CFAP54: variants seen among roughly 807,000 people sequenced by gnomAD.
CFAP54 encodes cilia- and flagella-associated protein 54.
A neutral mutation model predicts 370.4 loss-of-function variants in CFAP54; 290 were observed. The observed-to-expected ratio is 0.78, with a 90% CI of 0.71 to 0.86. The LOEUF (loss-of-function observed/expected upper bound fraction) is 0.86, where lower values mean the gene tolerates loss of function less well. CFAP54 is among the 40% of genes least tolerant of loss of function. The pLI is 0.00. For synonymous variants in CFAP54, 1,206 were observed against 1,236.5 expected (o/e 0.98, Z 0.52); for missense variants, 3,399 against 3,528.7 (o/e 0.96, Z 0.93).
chr12:96,605,057 G>A (rs532123592), intron 26 of CFAP54, among the ~76,000 whole-genome samples: 78 of 152,290 alleles, frequency 5.1e-4, no homozygotes, highest in African/African-American at 1.7e-3. Context: ...TGTCATCTGC[G>A]TTGATCTTGC....
At chr12:96,494,274 T>G (rs115554001) in intron 1 of CFAP54, among the ~76,000 whole-genome samples, 1,998 of 152,076 alleles carry the variant, frequency 0.013, 61 homozygotes, top group African/African-American at 0.046. Flanking sequence ...TTTATTCCAT[T>G]GGGTAGTTTT....
chr12:96,839,645 T>C (rs544836954), intron 66 of CFAP54, among the ~76,000 whole-genome samples: 17 of 152,354 alleles, frequency 1.1e-4, no homozygotes, highest in Admixed American at 3.3e-4. Flanking sequence ...GGTTACTTAT[T>C]GGGAAGGGCA....
chr12:96,525,971 G>A (rs1480250620), intron 8 of CFAP54, among the ~76,000 whole-genome samples: 4 of 152,174 alleles, frequency 2.6e-5, no homozygotes, highest in South Asian at 2.1e-4. Context: ...GGCGTGAGCC[G>A]CCGCACCCAG....
chr12:96,691,492 A>AT (rs1415942427), intron 44 of CFAP54, among the ~76,000 whole-genome samples, 182 bp downstream of exon 44: 1 of 152,144 alleles, frequency 6.6e-6, no homozygotes, highest in Admixed American at 6.5e-5. Flanking sequence ...CTTTCTTTGC[A>AT]TTTTGGATAC....
At chr12:96,566,168 T>C (rs1005569843) in intron 19 of CFAP54, among the ~76,000 whole-genome samples, 12 of 152,214 alleles carry the variant, frequency 7.9e-5, no homozygotes, top group Non-Finnish European at 5.9e-5. Flanking sequence ...CGGGTATGTC[T>C]TTATTAGCAG....
At chr12:96,510,581 G>A (rs1213269897) in intron 4 of CFAP54, among the ~76,000 whole-genome samples, 2 of 152,044 alleles carry the variant, frequency 1.3e-5, no homozygotes, top group African/African-American at 4.8e-5. Context: ...CTCATCACAT[G>A]TTTTTTGGAC....
chr12:96,531,608 G>A (rs1955440829), intron 9 of CFAP54, among the ~76,000 whole-genome samples: 1 of 151,954 alleles, frequency 6.6e-6, no homozygotes, highest in African/African-American at 2.4e-5. Flanking sequence ...TGCATTCTGG[G>A]AAGCTTCCTC....
chr12:96,656,670 C>CT (rs1033512845), intron 36 of CFAP54, among the ~76,000 whole-genome samples: 235 of 152,312 alleles, frequency 1.5e-3, no homozygotes, highest in African/African-American at 5.1e-3. Context: ...CATGAGCCAC[C>CT]ATGCCTGGCC....
chr12:96,726,415 T>C (rs1396239832), intron 50 of CFAP54, among the ~76,000 whole-genome samples: 6 of 152,244 alleles, frequency 3.9e-5, no homozygotes, highest in Non-Finnish European at 7.3e-5. Flanking sequence ...AGAGAGTATG[T>C]GTGGAGGAAT....
At chr12:96,596,243 G>A (rs1036980715) in intron 25 of CFAP54, among the ~76,000 whole-genome samples, 1 of 152,132 alleles carries the variant, frequency 6.6e-6, no homozygotes, top group East Asian at 1.9e-4. Context: ...TGCTCAATTG[G>A]CTGAGTTTAC....
chr12:96,743,710 T>G, intron 53 of CFAP54, 21 bp from the exon 54 acceptor site: 1 of 1,569,170 alleles, frequency 6.4e-7, no homozygotes, highest in Non-Finnish European at 8.6e-7. Context: ...ACTATCAAAA[T>G]GAATAATTTT....
intron 3 of CFAP54, 117 bp from the exon 4 acceptor site, chr12:96,506,811 T>C: frequency 1.3e-6 from 1 of 798,232 alleles, no homozygotes; most frequent in Non-Finnish European, 1.9e-6. Context: ...GGTCTCAAAC[T>C]CCTGACCTCA....
At chr12:96,730,823 G>A (rs914436017) in intron 50 of CFAP54, among the ~76,000 whole-genome samples, 12 of 152,174 alleles carry the variant, frequency 7.9e-5, no homozygotes, top group Admixed American at 7.2e-4. Context: ...ATCAGTATAA[G>A]CCTACAAGCT....
chr12:96,699,116 T>G (rs1265714792), intron 45 of CFAP54, among the ~76,000 whole-genome samples: 4 of 152,142 alleles, frequency 2.6e-5, no homozygotes, highest in Non-Finnish European at 5.9e-5. Context: ...AACATCTGAT[T>G]GGTTGCAAAA....
intron 47 of CFAP54, among the ~76,000 whole-genome samples, chr12:96,708,239 A>G (rs999393265): frequency 1.3e-5 from 2 of 152,148 alleles, no homozygotes; most frequent in South Asian, 4.2e-4. Flanking sequence ...TTCCTGTCAT[A>G]GTATCTCTGA....
intron 67 of CFAP54, among the ~76,000 whole-genome samples, chr12:96,873,116 T>C (rs775120233): frequency 1.3e-5 from 2 of 152,164 alleles, no homozygotes; most frequent in African/African-American, 2.4e-5. Context: ...AAGCTAGTGA[T>C]GAGGTAGAAT....
At chr12:96,714,996 G>T (rs1162163049) in intron 48 of CFAP54, among the ~76,000 whole-genome samples, 2 of 152,198 alleles carry the variant, frequency 1.3e-5, no homozygotes. Flanking sequence ...TTGAAGGGCA[G>T]AGTGTATAGG....
chr12:96,497,488 C>T (rs1954968566), intron 1 of CFAP54, among the ~76,000 whole-genome samples: 1 of 152,108 alleles, frequency 6.6e-6, no homozygotes, highest in Non-Finnish European at 1.5e-5. Flanking sequence ...ATAAATATAG[C>T]CAACTTGTTA....
intron 13 of CFAP54, among the ~76,000 whole-genome samples, chr12:96,539,064 G>GGTTTTTTT (rs1555229705): frequency 1.8e-5 from 2 of 111,832 alleles, no homozygotes; most frequent in African/African-American, 7.1e-5. Context: ...GCCTTTTCAG[G>GGTTTTTTT]TTTTTTTTTT....
Sources: allele counts gnomAD v4.1 joint callset (sites outside exome capture counted in the v4.1 genomes callset), GRCh38; gene constraint gnomAD v4.1.1; transcripts MANE v1.5; gene names NCBI Gene and HGNC (gene_info 2026-07-23, HGNC 2026-07-21).